GABRB3: variants seen among roughly 807,000 people sequenced by gnomAD.
GABRB3 encodes the protein gamma-aminobutyric acid receptor subunit beta-3.
GABRB3 carries 14 observed loss-of-function variants against 52.1 expected under a neutral mutation model. That is an observed-to-expected ratio of 0.27 (90% CI 0.18 to 0.42). GABRB3 has a LOEUF of 0.42. GABRB3 is among the 10% of genes least tolerant of loss of function. The probability of loss-of-function intolerance (pLI) is 1.00; values close to 1 mark genes in which losing one functional copy is unlikely to be tolerated. For synonymous variants in GABRB3, 260 were observed against 232.3 expected (o/e 1.12, Z -1.08); for missense variants, 307 against 609.1 (o/e 0.50, Z 5.22).
chr15:26,653,382 A>C (rs563245073), intron 3 of GABRB3, among the ~76,000 whole-genome samples: 2 of 152,348 alleles, frequency 1.3e-5, no homozygotes, highest in Admixed American at 1.3e-4. Context: ...GGCACCATCC[A>C]TACCAGTAAA....
chr15:26,617,135 C>A (rs977177530), intron 4 of GABRB3, among the ~76,000 whole-genome samples: 1 of 152,094 alleles, frequency 6.6e-6, no homozygotes, highest in East Asian at 1.9e-4. Flanking sequence ...GATTCACAGC[C>A]GAATTCTACC....
intron 7 of GABRB3, among the ~76,000 whole-genome samples, chr15:26,566,386 G>C (rs144068874): frequency 7.2e-5 from 11 of 152,154 alleles, no homozygotes; most frequent in Non-Finnish European, 1.6e-4. Flanking sequence ...CATTTTATTA[G>C]AAAAGAAAAC....
At chr15:26,730,417 CAAAAAAAAAA>C (rs66961147) in intron 3 of GABRB3, among the ~76,000 whole-genome samples, 2 of 67,960 alleles carry the variant, frequency 2.9e-5, no homozygotes, top group Non-Finnish European at 6.1e-5. Context: ...GACTCCGTCT[CAAAAAAAAAA>C]AAAAAAAAAA....
chr15:26,554,152 ATATATAAAG>A (rs1270766474), intron 8 of GABRB3, among the ~76,000 whole-genome samples: 1 of 64,368 alleles, frequency 1.6e-5, no homozygotes, highest in African/African-American at 7.3e-5. Flanking sequence ...AAGTATATAT[ATATATAAAG>A]TATATATATA....
At chr15:26,749,786 T>A (rs1296508408) in intron 3 of GABRB3, 1 of 152,266 alleles carries the variant, frequency 6.6e-6, no homozygotes, top group Non-Finnish European at 1.5e-5. Flanking sequence ...TGTGTCTGTC[T>A]GCTTGTCAGC....
chr15:26,595,769 T>A (rs1301346004), intron 4 of GABRB3, among the ~76,000 whole-genome samples: 1 of 152,190 alleles, frequency 6.6e-6, no homozygotes, highest in Non-Finnish European at 1.5e-5. Flanking sequence ...ATCTTGACTT[T>A]AGGTCAAAAG....
chr15:26,663,722 A>G (rs920419126), intron 3 of GABRB3, among the ~76,000 whole-genome samples: 3 of 152,240 alleles, frequency 2.0e-5, no homozygotes, highest in Admixed American at 6.5e-5. Context: ...ATATTTTAAT[A>G]GCCTTGAGAG....
At chr15:26,731,842 T>C (rs1157551096) in intron 3 of GABRB3, among the ~76,000 whole-genome samples, 1 of 152,176 alleles carries the variant, frequency 6.6e-6, no homozygotes, top group Non-Finnish European at 1.5e-5. Flanking sequence ...CTTTACCTCT[T>C]CAACAAGGTA....
Position 26,546,319 on chromosome 15 carries a change from T to C in GABRB3, c.*1474A>G, listed in dbSNP as rs1169671774. ...ATATATCATCTCTTTTTTTTTTCTT[T>C]AGAAAGATCTCATCTAAATAGTAAG... On this transcript the variant is annotated 3_prime_UTR_variant, in exon 9 of 9. Coordinates refer to ENST00000311550, the MANE Select transcript of GABRB3 (RefSeq NM_000814.6). 6.6e-6 allele frequency: 1 copy of C among 152,600 alleles called. No homozygotes were observed. Among genetic ancestry groups the C allele is most frequent in the East Asian group, 1.9e-4 (1 of 5,192 alleles). The allele number at this position is 152,600 out of a possible 1,614,324, so 9.5% of individuals were successfully genotyped here. A position where few individuals can be genotyped will look rare whatever the true frequency, so the allele number is the denominator to read the frequency against.
At chr15:26,670,231 G>A (rs1887848479) in intron 3 of GABRB3, among the ~76,000 whole-genome samples, 1 of 152,214 alleles carries the variant, frequency 6.6e-6, no homozygotes, top group Non-Finnish European at 1.5e-5. Flanking sequence ...AGGCCAGGCA[G>A]AGATGTGCAG....
chr15:26,650,622 G>A (rs1345168256), intron 3 of GABRB3, among the ~76,000 whole-genome samples: 2 of 151,936 alleles, frequency 1.3e-5, no homozygotes, highest in African/African-American at 4.8e-5. Flanking sequence ...TCCTCAGACT[G>A]GATTGAGAAC....
chr15:26,707,345 A>G (rs928116962), intron 3 of GABRB3, among the ~76,000 whole-genome samples: 3 of 152,214 alleles, frequency 2.0e-5, no homozygotes, highest in Non-Finnish European at 4.4e-5. Flanking sequence ...CAGAGGAACC[A>G]GTTGGGAAAT....
At chr15:26,601,366 C>T (rs1216568632) in intron 4 of GABRB3, among the ~76,000 whole-genome samples, 3 of 151,624 alleles carry the variant, frequency 2.0e-5, no homozygotes, top group East Asian at 1.9e-4. Flanking sequence ...GCTGAGATCG[C>T]GCCACTGCTC....
intron 3 of GABRB3, among the ~76,000 whole-genome samples, chr15:26,726,457 G>A (rs748459431): frequency 2.6e-5 from 4 of 152,058 alleles, no homozygotes; most frequent in Non-Finnish European, 4.4e-5. Context: ...TTCTGGACCC[G>A]GTTCCAAACA....
At chr15:26,659,881 A>C (rs2140608474) in intron 3 of GABRB3, among the ~76,000 whole-genome samples, 1 of 152,222 alleles carries the variant, frequency 6.6e-6, no homozygotes, top group Non-Finnish European at 1.5e-5. Context: ...TCATGGAGGA[A>C]TCCCTTTAAA....
Position 26,621,666 on chromosome 15 carries a change from T to A in GABRB3, c.241-132A>T. 1 of 690,470 alleles carries A rather than the reference T, an allele frequency of 1.4e-6. No individual in the cohort carries two copies. 42.8% of individuals were successfully genotyped at this position (690,470 alleles called of 1,614,324 possible). On this transcript the variant is annotated intron_variant, in intron 3 of 8. Coordinates refer to ENST00000311550, the MANE Select transcript of GABRB3 (RefSeq NM_000814.6). This position sits in a 1 kb window ranked among gnomAD's most constrained non-coding sequence, Gnocchi z 4.1. ...CCAGGAGAAACGGATGCCATTTTTA[T>A]GCAGAATGGGAAGCAATGGCTGCTT...
At chr15:26,567,197 G>A (rs1890211403) in intron 7 of GABRB3, among the ~76,000 whole-genome samples, 1 of 152,086 alleles carries the variant, frequency 6.6e-6, no homozygotes, top group South Asian at 2.1e-4. Context: ...ATTCTATGCT[G>A]TAATATTTGA....
In GABRB3 at chr15:26,626,967, GAGA is replaced by G. The variant is rs1261964583; in HGVS notation, c.241-5436_241-5434del. 3.3e-5 allele frequency among the ~76,000 whole-genome samples: 5 copies of G among 152,196 alleles called. No homozygotes were observed. The South Asian group carries it at 6.2e-4, about 19-fold the overall frequency. On this transcript the variant is annotated intron_variant, in intron 3 of 8. Transcript: ENST00000311550. ...GCCATGTCGGACTTTCATAGCAAAA[GAGA>G]AGAAGTCATTGTCTGGCTTCGGAGC...
intron 3 of GABRB3, among the ~76,000 whole-genome samples, chr15:26,709,184 C>T (rs999876293): frequency 2.0e-5 from 3 of 152,200 alleles, no homozygotes; most frequent in African/African-American, 7.2e-5. Context: ...TATGTGTCCA[C>T]TCCAAATCTT....
Sources: allele counts gnomAD v4.1 joint callset (sites outside exome capture counted in the v4.1 genomes callset), GRCh38; gene constraint gnomAD v4.1.1; non-coding constraint Gnocchi (gnomAD v3.1); transcripts MANE v1.5; gene names NCBI Gene and HGNC (gene_info 2026-07-23, HGNC 2026-07-21).